Variants in KCTD3 observed in about 807,000 individuals in gnomAD.
KCTD3 encodes potassium channel tetramerization domain containing 3.
A neutral mutation model predicts 85.8 loss-of-function variants in KCTD3; 41 were observed. That is an observed-to-expected ratio of 0.48 (90% confidence interval 0.37 to 0.62). KCTD3 has a LOEUF of 0.62. KCTD3 is among the 20% of genes least tolerant of loss of function. The probability of loss-of-function intolerance (pLI) is 0.00; values close to 1 mark genes in which losing one functional copy is unlikely to be tolerated. For missense variants in KCTD3, 724 were observed against 989.9 expected, an observed-to-expected ratio of 0.73 and a Z score of 3.60; for synonymous variants, 338 against 345.4, an observed-to-expected ratio of 0.98 and a Z score of 0.24.
intron 14 of KCTD3, among the ~76,000 whole-genome samples, chr1:215,610,909 G>C (rs577674537): frequency 2.8e-4 from 43 of 152,030 alleles, no homozygotes; most frequent in African/African-American, 8.4e-4. Flanking sequence ...TAATAATAAA[G>C]ATGACATTGG....
intron 8 of KCTD3, among the ~76,000 whole-genome samples, chr1:215,582,809 G>A (rs1053985054): frequency 3.3e-5 from 5 of 152,160 alleles, no homozygotes; most frequent in African/African-American, 9.6e-5. Flanking sequence ...TGATTCACCC[G>A]CCTCAGCCTT....
intron 9 of KCTD3, 49 bp downstream of exon 9, chr1:215,586,734 A>C: frequency 6.9e-7 from 1 of 1,450,848 alleles, no homozygotes; most frequent in Non-Finnish European, 9.5e-7. Flanking sequence ...TAATATTTTG[A>C]AGTTTATAAA....
chr1:215,579,333 T>C (rs1346201774), intron 7 of KCTD3, among the ~76,000 whole-genome samples, 196 bp downstream of exon 7: 1 of 152,194 alleles, frequency 6.6e-6, no homozygotes, highest in East Asian at 1.9e-4. Context: ...TCTCTGAATC[T>C]TTAGAACAGG....
intron 9 of KCTD3, among the ~76,000 whole-genome samples, chr1:215,591,687 G>A (rs1038531233): frequency 6.6e-6 from 1 of 152,128 alleles, no homozygotes; most frequent in Non-Finnish European, 1.5e-5. Flanking sequence ...TTCTTGCCCT[G>A]CCCAGGTGCA....
intron 10 of KCTD3, among the ~76,000 whole-genome samples, chr1:215,600,489 C>T (rs1359410399): frequency 2.0e-5 from 3 of 152,132 alleles, no homozygotes; most frequent in Non-Finnish European, 4.4e-5. Context: ...GGCAGTTCTT[C>T]CCCTCTCTCC....
At position 215,567,620 on chromosome 1, in the gene KCTD3, A is replaced by C. The variant is rs893459820; in HGVS notation, c.-66A>C. ...GCAGCCGTCGCCGCTGCCTCGGGCT[A>C]CAGCCCCGGGCTCGGCGGTCCCGGC... is the stretch of plus-strand genomic sequence containing the variant. On this transcript the variant is annotated 5_prime_UTR_variant, in exon 1 of 18. Coordinates refer to ENST00000259154, the MANE Select transcript of KCTD3 (RefSeq NM_016121.5). The C allele has an allele frequency of 3.2e-4, 335 of 1,057,432 alleles. No individual in the cohort carries two copies. Among genetic ancestry groups the C allele is most frequent in the Middle Eastern group, 7.2e-4 (2 of 2,794 alleles). The allele number at this position is 1,057,432 out of a possible 1,614,324, so 65.5% of individuals were successfully genotyped here.
rs147310596 is a variant in KCTD3, at chr1:215,605,504, C to T, written c.1309+1202C>T. Among the ~76,000 whole-genome samples the T allele has an allele frequency of 1.8e-4, 28 of 152,204 alleles. 1 individual carries two copies. Among genetic ancestry groups the T allele is most frequent in the African/African-American group, 6.7e-4 (28 of 41,530 alleles). On this transcript the variant is annotated intron_variant, in intron 13 of 17. Coordinates refer to ENST00000259154, the MANE Select transcript of KCTD3 (RefSeq NM_016121.5). Reference sequence around the variant, plus strand: ...CTGGACTCTGTATTCTTTATCTGCACTTTCCTAGTTATTTGAATAGTAATT... The same window carrying T: ...CTGGACTCTGTATTCTTTATCTGCATTTTCCTAGTTATTTGAATAGTAATT...
chr1:215,600,158 A>C (rs750944047), intron 10 of KCTD3, among the ~76,000 whole-genome samples: 4 of 152,224 alleles, frequency 2.6e-5, no homozygotes, highest in Non-Finnish European at 4.4e-5. Context: ...CATTGGCTTT[A>C]ATTAAAAGCC....
Position 215,567,472 on chromosome 1 carries a change from C to A in KCTD3, c.-214C>A. The A allele has an allele frequency of 3.7e-6, 1 of 269,944 alleles. No individual in the cohort carries two copies. Among genetic ancestry groups the A allele is most frequent in the East Asian group, 7.2e-5 (1 of 13,904 alleles). 16.7% of individuals were successfully genotyped at this position (269,944 alleles called of 1,614,324 possible). A position where few individuals can be genotyped will look rare whatever the true frequency, so the allele number is the denominator to read the frequency against. On this transcript the variant is annotated 5_prime_UTR_variant, in exon 1 of 18. Transcript: ENST00000259154. ...CGCGAAAGGTGGAGGCCGGGCCGCC[C>A]TTGTGCACCGCAGGATTGACCCGGG...
At chr1:215,577,609 A>C in intron 4 of KCTD3, 61 bp from the exon 5 acceptor site, 1 of 1,082,980 alleles carries the variant, frequency 9.2e-7, no homozygotes, top group Non-Finnish European at 1.4e-6. Flanking sequence ...TTTTCCTTTC[A>C]TGTCAGATGA....
intron 1 of KCTD3, among the ~76,000 whole-genome samples, chr1:215,569,421 T>C (rs1659281093): frequency 6.6e-6 from 1 of 152,080 alleles, no homozygotes; most frequent in Non-Finnish European, 1.5e-5. Context: ...GCCTGGCCGA[T>C]AGTTAATATA....
chr1:215,600,860 G>C (rs2102589019), intron 10 of KCTD3, among the ~76,000 whole-genome samples: 1 of 152,224 alleles, frequency 6.6e-6, no homozygotes, highest in Non-Finnish European at 1.5e-5. Flanking sequence ...TGGCCTGGCT[G>C]TAAACAGGGA....
rs1655693707 is a variant in KCTD3, at chr1:215,621,596, A to T, written c.*978A>T. 1 of 152,562 alleles carries T rather than the reference A, an allele frequency of 6.6e-6. No homozygotes were observed. Among genetic ancestry groups the T allele is most frequent in the Admixed American group, 6.6e-5 (1 of 15,260 alleles). 9.5% of individuals were successfully genotyped at this position (152,562 alleles called of 1,614,324 possible). The stretch of plus-strand genomic sequence containing the variant: ...TTTTTGTACAATTTTTTTTCATTTA[A>T]TTGGAATGATCTTCAGGTTTCTACA... On this transcript the variant is annotated 3_prime_UTR_variant, in exon 18 of 18. Transcript: ENST00000259154.
At position 215,618,989 on chromosome 1, in the gene KCTD3, T is replaced by C; in HGVS notation, c.1666T>C (p.Phe556Leu). 6.2e-7 allele frequency: 1 copy of C among 1,613,936 alleles called. No homozygotes were observed. The highest frequency in any genetic ancestry group is 8.5e-7 in the Non-Finnish European group (1 of 1,179,910). Reference sequence around the variant, plus strand: ...GGGCTCAAGACCAAGGCGCTACTTGTTCACAGGCCATACAAATGGCAGTAT... The same window carrying C: ...GGGCTCAAGACCAAGGCGCTACTTGCTCACAGGCCATACAAATGGCAGTAT... ...RMGSRPRRYL[F>L]TGHTNGSIQM... is the part of the protein sequence containing the mutation. The change falls in exon 16 of 18, where the codon TTC becomes CTC. Residue 556 changes from phenylalanine to leucine, a missense_variant. Phe to Leu is a conservative substitution (Grantham distance 22). Around this residue, in one of 6 missense-constraint regions of KCTD3, gnomAD observed 136 missense variants for 197.6 expected, o/e 0.69. Coordinates refer to ENST00000259154, the MANE Select transcript of KCTD3 (RefSeq NM_016121.5).
chr1:215,621,624 T>C lies in KCTD3; in HGVS notation c.*1006T>C, dbSNP rs1655694566. On this transcript the variant is annotated 3_prime_UTR_variant, in exon 18 of 18. Transcript: ENST00000259154. ...GGAATGATCTTCAGGTTTCTACAAA[T>C]AGGGTAATTGTAAATTTAAAGCATT... 6.6e-6 allele frequency: 1 copy of C among 152,520 alleles called. No homozygotes were observed. Among genetic ancestry groups the C allele is most frequent in the Admixed American group, 6.6e-5 (1 of 15,242 alleles). 9.4% of individuals were successfully genotyped at this position (152,520 alleles called of 1,614,324 possible).
Position 215,620,163 on chromosome 1 carries a change from T to G in KCTD3, c.1993T>G (p.Phe665Val). 6.2e-7 allele frequency: 1 copy of G among 1,613,544 alleles called. No individual in the cohort carries two copies. ...AGCAAGGGCAAGAAGGACTGAGAGC[T>G]TTCACAGTTATAGGGACTTCCAGAC... ...LLARARRTESFHSYRDFQTIN... is the reference protein window; with the variant it reads ...LLARARRTESVHSYRDFQTIN... Residue 665 changes from phenylalanine (F) to valine (V), a missense_variant, in exon 18 of 18, where the codon TTT (phenylalanine) becomes GTT (valine). Around this residue, in one of 6 missense-constraint regions of KCTD3, gnomAD observed 222 missense variants for 217.7 expected, o/e 1.02. Transcript: ENST00000259154.
At chr1:215,568,048 C>T (rs990016933) in intron 1 of KCTD3, among the ~76,000 whole-genome samples, 1 of 152,182 alleles carries the variant, frequency 6.6e-6, no homozygotes, top group South Asian at 2.1e-4. Context: ...TTTGCCCCTC[C>T]CAACAGGCAA....
chr1:215,610,375 A>G (rs1043362392), intron 14 of KCTD3, among the ~76,000 whole-genome samples: 1 of 151,840 alleles, frequency 6.6e-6, no homozygotes, highest in African/African-American at 2.4e-5. Context: ...GTTAAGAAAG[A>G]CCTAGGAATA....
chr1:215,578,184 C>A, intron 6 of KCTD3, 103 bp downstream of exon 6: 1 of 851,862 alleles, frequency 1.2e-6, no homozygotes, highest in Non-Finnish European at 1.8e-6. Flanking sequence ...AGTTTTTTGT[C>A]TATAAATCTA....
Sources: gnomAD v4.1 joint callset for allele counts (sites outside exome capture counted in the v4.1 genomes callset) on GRCh38, gnomAD v4.1.1 for gene constraint, gnomAD v4.1.1 regional missense constraint, MANE v1.5 for transcripts, NCBI Gene and HGNC (gene_info 2026-07-23, HGNC 2026-07-21) for gene names.